MAST1: variants seen among roughly 807,000 people sequenced by gnomAD.
MAST1 encodes microtubule associated serine/threonine kinase 1.
In MAST1, 40 loss-of-function variants were observed where a neutral mutation model predicts 124.6. The ratio of observed to expected loss-of-function variants is 0.32; its 90% CI spans 0.25 to 0.42. The LOEUF is 0.42. MAST1 is among the 10% of genes least tolerant of loss of function. The probability of loss-of-function intolerance (pLI) is 1.00; values close to 1 mark genes in which losing one functional copy is unlikely to be tolerated. For missense variants in MAST1, 1,558 were observed against 2,181.9 expected, an observed-to-expected ratio of 0.71 and a Z score of 5.70; for synonymous variants, 938 against 939.4, an observed-to-expected ratio of 1.00 and a Z score of 0.03.
rs1318960960 is a variant in MAST1 at position 12,866,074 on chromosome 19, G to A, written c.2001G>A (p.Glu667=). 2.5e-6 allele frequency: 4 copies of A among 1,614,140 alleles called. No individual in the cohort carries two copies. Among genetic ancestry groups the A allele is most frequent in the Non-Finnish European group, 3.4e-6 (4 of 1,180,042 alleles). ...RQKAEFIPHL[E]SEDDTSYFDT... Reference sequence around the variant, plus strand: ...AGGCCGAGTTCATCCCCCACCTAGAGTCGGAAGATGACACTAGCTACTTTG... The same window carrying A: ...AGGCCGAGTTCATCCCCCACCTAGAATCGGAAGATGACACTAGCTACTTTG... Residue 667 remains glutamate (E), a synonymous_variant, in exon 17 of 26, where the codon GAG becomes GAA. Transcript: ENST00000251472. This position sits in a 1 kb window ranked among gnomAD's most constrained non-coding sequence, Gnocchi z 5.2.
intron 7 of MAST1, 81 bp from the exon 8 acceptor site, chr19:12,851,853 A>G: frequency 9.9e-7 from 1 of 1,011,348 alleles, no homozygotes; most frequent in Non-Finnish European, 1.5e-6. Context: ...TAGCAGCAGT[A>G]TGTACTCTGA....
chr19:12,847,675 G>C lies in MAST1; in HGVS notation c.552G>C (p.Glu184Asp), dbSNP rs745398133. Reference sequence around the variant, plus strand: ...TGATGATGAATCACGTCTACAAGGAGAGGTTCCCGAAGGTGAGGTGGGACC... The same window carrying C: ...TGATGATGAATCACGTCTACAAGGACAGGTTCCCGAAGGTGAGGTGGGACC... ...EIVMMNHVYK[E>D]RFPKATAQME... The change falls in exon 6 of 26, where the codon GAG (glutamate) becomes GAC (aspartate). Residue 184 changes from glutamate (E) to aspartate (D), a missense_variant. Coordinates refer to ENST00000251472, the MANE Select transcript of MAST1 (RefSeq NM_014975.3). The surrounding 1 kb of genome is among the most constrained non-coding windows in gnomAD (Gnocchi z 5.5). 3.1e-6 allele frequency: 5 copies of C among 1,613,850 alleles called. No individual in the cohort carries two copies. The East Asian group carries it at 1.1e-4, about 36-fold the overall frequency.
intron 11 of MAST1, 40 bp from the exon 12 acceptor site, chr19:12,858,491 C>T (rs1238855247): frequency 1.9e-5 from 31 of 1,612,212 alleles, no homozygotes; most frequent in Non-Finnish European, 2.6e-5. Flanking sequence ...GGCCGGGTGT[C>T]TCGGAGGTGA....
Position 12,865,194 on chromosome 19 carries a change from T to G in MAST1, c.1638+16T>G. ...GGACAAACAGGTGTGTGTGCGGGCA[T>G]GGGGGTCGCTGAGGGTGGAGTGACC... On this transcript the variant is annotated intron_variant, in intron 14 of 25. Transcript: ENST00000251472. The surrounding 1 kb of genome is among the most constrained non-coding windows in gnomAD (Gnocchi z 7.1). 6.2e-7 allele frequency: 1 copy of G among 1,611,860 alleles called. No homozygotes were observed. The highest frequency in any genetic ancestry group is 1.1e-5 in the South Asian group (1 of 90,820).
intron 20 of MAST1, among the ~76,000 whole-genome samples, chr19:12,868,357 C>A (rs1970189165): frequency 6.6e-6 from 1 of 152,048 alleles, no homozygotes; most frequent in Non-Finnish European, 1.5e-5. Flanking sequence ...GATCTGCCTT[C>A]CTTGGCCTAC....
At chr19:12,855,907 T>G (rs1490076288) in intron 10 of MAST1, among the ~76,000 whole-genome samples, 2 of 152,124 alleles carry the variant, frequency 1.3e-5, no homozygotes, top group Non-Finnish European at 2.9e-5. Flanking sequence ...TGTGAAACCT[T>G]ATTTTAAGCA....
chr19:12,849,947 A>AC (rs1415083246), intron 7 of MAST1, among the ~76,000 whole-genome samples: 5 of 151,716 alleles, frequency 3.3e-5, no homozygotes, highest in Non-Finnish European at 4.4e-5. Context: ...ACAGGCACCC[A>AC]CCACCATGCC....
In MAST1 at chr19:12,874,576, C is replaced by T. The variant is rs2145917616; in HGVS notation, c.4419C>T (p.Ala1473=). The T allele has an allele frequency of 6.6e-7, 1 of 1,507,442 alleles. No individual in the cohort carries two copies. The highest frequency in any genetic ancestry group is 1.3e-5 in the South Asian group (1 of 75,054). The allele number at this position is 1,507,442 out of a possible 1,614,324, so 93.4% of individuals were successfully genotyped here. ...CCCTGGCGCCTTCCGTGCCCGAGGC[C>T]CCCCGGGGCCGGGAGCGCTGGGTGT... ...PAPLAPSVPE[A]PRGRERWVLE... is the part of the protein sequence containing the mutation. Residue 1473 remains alanine, a synonymous_variant, in exon 26 of 26, where the codon GCC becomes GCT. Coordinates refer to ENST00000251472, the MANE Select transcript of MAST1 (RefSeq NM_014975.3). The surrounding 1 kb of genome is among the most constrained non-coding windows in gnomAD (Gnocchi z 6.6).
intron 4 of MAST1, among the ~76,000 whole-genome samples, chr19:12,844,950 A>G (rs1458027651): frequency 2.0e-5 from 3 of 152,168 alleles, no homozygotes; most frequent in African/African-American, 7.2e-5. Context: ...TTAAAAAAAT[A>G]AAAGAGATGG....
rs1004364413 is a variant in MAST1, at chr19:12,841,595, CTGA to C, written c.248+532_248+534del. Among the ~76,000 whole-genome samples, 3 of 152,172 alleles carry C rather than the reference CTGA, an allele frequency of 2.0e-5. No individual in the cohort carries two copies. Among genetic ancestry groups the C allele is most frequent in the African/African-American group, 7.2e-5 (3 of 41,434 alleles). ...AACTGGGGGAGGCAGAGAGGTTTCT[CTGA>C]TGTTTTCTGGAGAAACGTTTCTGGG... On this transcript the variant is annotated intron_variant, in intron 3 of 25. Transcript: ENST00000251472. This position sits in a 1 kb window ranked among gnomAD's most constrained non-coding sequence, Gnocchi z 4.3.
At chr19:12,868,473 A>G (rs1486203391) in intron 20 of MAST1, 170 bp from the exon 21 acceptor site, 2 of 593,934 alleles carry the variant, frequency 3.4e-6, no homozygotes, top group African/African-American at 3.7e-5. Context: ...ACAGACCGAT[A>G]CAGACTATGT....
Position 12,865,606 on chromosome 19 carries a change from G to A in MAST1, c.1805-111G>A. 6.9e-7 allele frequency: 1 copy of A among 1,447,588 alleles called. No homozygotes were observed. The highest frequency in any genetic ancestry group is 1.3e-5 in the South Asian group (1 of 77,220). 89.7% of individuals were successfully genotyped at this position (1,447,588 alleles called of 1,614,324 possible). ...CGCTTGCACTCAGGAGGTCAAGGCTGCAGTGAGCCATGATCGTGCCACTGC... is the reference window on the plus strand; with the variant it reads ...CGCTTGCACTCAGGAGGTCAAGGCTACAGTGAGCCATGATCGTGCCACTGC... On this transcript the variant is annotated intron_variant, in intron 15 of 25. Transcript: ENST00000251472. The surrounding 1 kb of genome is among the most constrained non-coding windows in gnomAD (Gnocchi z 7.1).
At chr19:12,857,633 C>T (rs1246275637) in intron 10 of MAST1, among the ~76,000 whole-genome samples, 3 of 151,528 alleles carry the variant, frequency 2.0e-5, no homozygotes, top group South Asian at 2.1e-4. Flanking sequence ...AGGATGGTCT[C>T]GATCTCCTGA....
At chr19:12,868,876 G>A in intron 21 of MAST1, 27 bp downstream of exon 21, 1 of 1,558,756 alleles carries the variant, frequency 6.4e-7, no homozygotes, top group Non-Finnish European at 8.7e-7. Context: ...CCTGGCAGGG[G>A]AGGGGCTGCC....
intron 25 of MAST1, 36 bp downstream of exon 25, chr19:12,873,547 C>A: frequency 6.3e-7 from 1 of 1,584,860 alleles, no homozygotes; most frequent in Non-Finnish European, 8.6e-7. Context: ...GACCGAGCAG[C>A]GCGGGGTGGC....
chr19:12,868,996 G>A, intron 21 of MAST1, 70 bp from the exon 22 acceptor site: 4 of 1,560,224 alleles, frequency 2.6e-6, no homozygotes, highest in Non-Finnish European at 3.5e-6. Flanking sequence ...CTTGGGAGGA[G>A]GGAGGAGCAG....
At position 12,873,383 on chromosome 19, in the gene MAST1, G is replaced by GCCGCTCGCTGTCGTCGCTGAA. The variant is rs747946004; in HGVS notation, c.3336_3356dup (p.Leu1114_Ser1120dup). ...AAGCAGTCGAACCTGCTGCATACTA[G>GCCGCTCGCTGTCGTCGCTGAA]CCGCTCGCTGTCGTCGCTGAACCGC... On this transcript the variant is annotated inframe_insertion, in exon 25 of 26. Transcript: ENST00000251472. 3.7e-6 allele frequency: 6 copies of GCCGCTCGCTGTCGTCGCTGAA among 1,614,054 alleles called. No individual in the cohort carries two copies. The highest frequency in any genetic ancestry group is 3.4e-6 in the Non-Finnish European group (4 of 1,180,008).
intron 12 of MAST1, chr19:12,859,004 G>C: frequency 1.7e-6 from 1 of 572,026 alleles, no homozygotes; most frequent in Non-Finnish European, 3.1e-6. Context: ...TCTATCTACT[G>C]ATGTGCTAAT....
chr19:12,850,257 C>T (rs1232250725), intron 7 of MAST1, among the ~76,000 whole-genome samples: 1 of 152,110 alleles, frequency 6.6e-6, no homozygotes, highest in Admixed American at 6.5e-5. Flanking sequence ...GAAGCTAACC[C>T]CTGTAATCCC....
Sources: allele counts gnomAD v4.1 joint callset (sites outside exome capture counted in the v4.1 genomes callset), GRCh38; gene constraint gnomAD v4.1.1; non-coding constraint Gnocchi (gnomAD v3.1); transcripts MANE v1.5; gene names NCBI Gene and HGNC (gene_info 2026-07-23, HGNC 2026-07-21).